Variants in CDIN1 observed in about 807,000 individuals in gnomAD.
The protein encoded by CDIN1 is CDAN1 interacting nuclease 1, also known as CDAN1-interacting nuclease 1.
Under a neutral mutation model 45.3 loss-of-function variants are expected in CDIN1, and 33 were observed. The observed-to-expected ratio is 0.73, with a 90% CI of 0.55 to 0.97. The LOEUF is 0.97. Ranked by LOEUF, CDIN1 falls within the 50% of genes least tolerant of loss-of-function variation. CDIN1 has a pLI of 0.00. For missense variants in CDIN1, 303 were observed against 339.4 expected, an observed-to-expected ratio of 0.89 and a Z score of 0.84; for synonymous variants, 118 against 124.4, an observed-to-expected ratio of 0.95 and a Z score of 0.34.
At chr15:36,783,369 T>C (rs2054402460) in intron 10 of CDIN1, among the ~76,000 whole-genome samples, 1 of 152,068 alleles carries the variant, frequency 6.6e-6, no homozygotes, top group Non-Finnish European at 1.5e-5. Flanking sequence ...TTAATGCTGT[T>C]TAAAAGTTTT....
At position 36,808,247 on chromosome 15, in the gene CDIN1, A is replaced by G; in HGVS notation, c.717-77A>G. 6.4e-6 allele frequency: 10 copies of G among 1,571,562 alleles called. No individual in the cohort carries two copies. The South Asian group carries it at 1.1e-4, about 17-fold the overall frequency. ...TGCAGTCCTGTCATTTAATCATCTT[A>G]TCAGTGCCCCAAGGTGACTTTTTTC... On this transcript the variant is annotated intron_variant, in intron 10 of 10. Transcript: ENST00000566621.
intron 10 of CDIN1, among the ~76,000 whole-genome samples, chr15:36,774,968 T>C (rs980828814): frequency 6.6e-6 from 1 of 152,200 alleles, no homozygotes; most frequent in African/African-American, 2.4e-5. Flanking sequence ...ATAAATGTCA[T>C]TTTCTGTTTT....
intron 7 of CDIN1, among the ~76,000 whole-genome samples, chr15:36,694,488 T>G (rs1298210307): frequency 6.6e-6 from 1 of 152,184 alleles, no homozygotes; most frequent in Non-Finnish European, 1.5e-5. Context: ...TTTGTGTAAG[T>G]AGAATAAAGT....
At chr15:36,771,927 CAA>C (rs373077953) in intron 10 of CDIN1, among the ~76,000 whole-genome samples, 6 of 126,514 alleles carry the variant, frequency 4.7e-5, no homozygotes, top group Non-Finnish European at 6.5e-5. Flanking sequence ...GACTCAGTCT[CAA>C]AAAAAAAAAA....
intron 5 of CDIN1, among the ~76,000 whole-genome samples, chr15:36,682,790 A>G (rs2041902953): frequency 1.3e-5 from 2 of 151,888 alleles, no homozygotes; most frequent in African/African-American, 4.8e-5. Context: ...AAAAAAAGAA[A>G]AAAGAAAAGA....
chr15:36,588,100 A>G (rs73379812), intron 1 of CDIN1, among the ~76,000 whole-genome samples: 2 of 152,230 alleles, frequency 1.3e-5, no homozygotes, highest in East Asian at 3.8e-4. Flanking sequence ...AGTGCAGTAG[A>G]TTTACAGAAA....
chr15:36,613,654 G>A lies in CDIN1; in HGVS notation c.102-30624G>A, dbSNP rs1856300623. 3.6e-5 allele frequency: 51 copies of A among 1,435,290 alleles called. No individual in the cohort carries two copies. The South Asian group carries it at 5.7e-4, about 16-fold the overall frequency. The allele number at this position is 1,435,290 out of a possible 1,614,324, so 88.9% of individuals were successfully genotyped here. On this transcript the variant is annotated intron_variant, in intron 1 of 10. Coordinates refer to ENST00000566621, the MANE Select transcript of CDIN1 (RefSeq NM_001321759.2). ...ACCGTAGGATCAAGCTGGTTGAAGA[G>A]GAGCTGGACCGTGCTCAGGAGCGCC...
At chr15:36,586,201 T>TTG (rs796594809) in intron 1 of CDIN1, among the ~76,000 whole-genome samples, 41 of 151,960 alleles carry the variant, frequency 2.7e-4, no homozygotes, top group African/African-American at 9.4e-4. Context: ...AGTTTTTTTT[T>TTG]TTTTTTTAAC....
At chr15:36,658,478 A>G (rs972968631) in intron 5 of CDIN1, 2 of 152,188 alleles carry the variant, frequency 1.3e-5, no homozygotes, top group African/African-American at 2.4e-5. Flanking sequence ...CTCGTAAAAG[A>G]TTTATGAGTA....
intron 1 of CDIN1, among the ~76,000 whole-genome samples, chr15:36,634,921 T>A (rs2039833778): frequency 6.6e-6 from 1 of 152,214 alleles, no homozygotes; most frequent in African/African-American, 2.4e-5. Context: ...TTTTTTAATT[T>A]CTGAAAATTT....
intron 1 of CDIN1, among the ~76,000 whole-genome samples, chr15:36,598,181 G>A (rs961208095): frequency 9.2e-5 from 14 of 151,952 alleles, no homozygotes; most frequent in African/African-American, 1.9e-4. Context: ...TAGTAGAGAC[G>A]GGGTTTTGCT....
chr15:36,633,117 T>C (rs2039747837), intron 1 of CDIN1, among the ~76,000 whole-genome samples: 1 of 152,216 alleles, frequency 6.6e-6, no homozygotes, highest in Non-Finnish European at 1.5e-5. Context: ...TTTGCCTACC[T>C]AATTAATTTT....
intron 5 of CDIN1, among the ~76,000 whole-genome samples, chr15:36,680,777 G>A (rs886094637): frequency 6.6e-6 from 1 of 152,162 alleles, no homozygotes; most frequent in African/African-American, 2.4e-5. Context: ...CTTGGGTTGT[G>A]CAGTATTGAG....
At chr15:36,605,894 G>T (rs767640845) in intron 1 of CDIN1, among the ~76,000 whole-genome samples, 4 of 152,250 alleles carry the variant, frequency 2.6e-5, no homozygotes, top group Non-Finnish European at 5.9e-5. Flanking sequence ...TTCAGTGAAC[G>T]GCTTGAAGTC....
Position 36,808,511 on chromosome 15 carries a change from C to G in CDIN1, c.*58C>G, listed in dbSNP as rs766361656. On this transcript the variant is annotated 3_prime_UTR_variant, in exon 11 of 11. Coordinates refer to ENST00000566621, the MANE Select transcript of CDIN1 (RefSeq NM_001321759.2). ...AAAGGTGAATCCGGAAGCAATTTTA[C>G]TTTCCTGCACTGTAAGATCCTGGCA... The G allele has an allele frequency of 6.3e-7, 1 of 1,592,374 alleles. No homozygotes were observed. The highest frequency in any genetic ancestry group is 1.1e-5 in the South Asian group (1 of 88,380).
intron 3 of CDIN1, among the ~76,000 whole-genome samples, chr15:36,646,103 CTGTT>C (rs2040317066): frequency 6.6e-6 from 1 of 152,102 alleles, no homozygotes; most frequent in South Asian, 2.1e-4. Flanking sequence ...GCAATGAAAA[CTGTT>C]TGAAATCTGC....
intron 10 of CDIN1, among the ~76,000 whole-genome samples, chr15:36,715,675 A>C (rs1296012905): frequency 1.3e-5 from 2 of 152,342 alleles, no homozygotes; most frequent in African/African-American, 4.8e-5. Flanking sequence ...ACTAATAATT[A>C]GCAAATGCTC....
chr15:36,788,106 A>ATATTTT (rs1343541345), intron 10 of CDIN1, among the ~76,000 whole-genome samples: 1 of 50,552 alleles, frequency 2.0e-5, no homozygotes, highest in African/African-American at 7.7e-5. Flanking sequence ...ATATATATAT[A>ATATTTT]TTTTTTTTTT....
At chr15:36,744,127 A>G (rs1477111051) in intron 10 of CDIN1, among the ~76,000 whole-genome samples, 1 of 152,056 alleles carries the variant, frequency 6.6e-6, no homozygotes, top group Admixed American at 6.6e-5. Flanking sequence ...GAATTCTGCA[A>G]TGAGGGGACA....
Sources: allele counts gnomAD v4.1 joint callset (sites outside exome capture counted in the v4.1 genomes callset), GRCh38; gene constraint gnomAD v4.1.1; transcripts MANE v1.5; gene names NCBI Gene and HGNC (gene_info 2026-07-23, HGNC 2026-07-21).